Variants in KHDRBS2 observed in about 807,000 individuals in gnomAD.
The protein encoded by KHDRBS2 is KH domain-containing, RNA-binding, signal transduction-associated protein 2.
A neutral mutation model predicts 44.3 loss-of-function variants in KHDRBS2; 26 were observed. The observed-to-expected ratio is 0.59, with a 90% CI of 0.43 to 0.81. KHDRBS2 has a LOEUF of 0.81. Ranked by LOEUF, KHDRBS2 falls within the 40% of genes least tolerant of loss-of-function variation. The pLI, the probability that KHDRBS2 is intolerant of heterozygous loss-of-function variation, is 0.00. For missense variants in KHDRBS2, 476 were observed against 433.1 expected, an observed-to-expected ratio of 1.10 and a Z score of -0.88; for synonymous variants, 194 against 151.1, an observed-to-expected ratio of 1.28 and a Z score of -2.08.
intron 4 of KHDRBS2, among the ~76,000 whole-genome samples, chr6:61,940,768 T>C (rs1298314199): frequency 6.6e-5 from 10 of 152,096 alleles, no homozygotes; most frequent in Admixed American, 6.5e-5. Context: ...GTGCAAGTGA[T>C]CATGGGCTAA....
chr6:62,114,648 G>A (rs1054164604), intron 2 of KHDRBS2, among the ~76,000 whole-genome samples: 3 of 152,024 alleles, frequency 2.0e-5, no homozygotes, highest in Non-Finnish European at 2.9e-5. Flanking sequence ...TTCAATATGC[G>A]TTATCTTTCA....
intron 2 of KHDRBS2, among the ~76,000 whole-genome samples, chr6:62,068,550 T>C (rs1794278946): frequency 6.6e-6 from 1 of 151,554 alleles, no homozygotes; most frequent in African/African-American, 2.4e-5. Flanking sequence ...TTGCTTGTGA[T>C]TTTGATGTCA....
intron 2 of KHDRBS2, among the ~76,000 whole-genome samples, chr6:62,174,901 A>G (rs1490887065): frequency 1.3e-5 from 2 of 151,774 alleles, no homozygotes; most frequent in Non-Finnish European, 3.0e-5. Context: ...ATTACACCAC[A>G]TCACATATTT....
chr6:61,676,958 T>C (rs142057890), downstream of KHDRBS2, among the ~76,000 whole-genome samples: 4 of 152,010 alleles, frequency 2.6e-5, no homozygotes, highest in African/African-American at 4.8e-5. Context: ...AACTTTATGT[T>C]CAAAGTAAAT....
At chr6:62,017,756 C>T (rs903564746) in intron 3 of KHDRBS2, among the ~76,000 whole-genome samples, 20 of 152,080 alleles carry the variant, frequency 1.3e-4, no homozygotes, top group African/African-American at 4.8e-4. Flanking sequence ...TTTTGGATAA[C>T]AATTTAGATT....
At chr6:61,589,273 T>C in the KHDRBS2 span, among the ~76,000 whole-genome samples, 1 of 152,146 alleles carries the variant, frequency 6.6e-6, no homozygotes, top group Non-Finnish European at 1.5e-5. Flanking sequence ...CAAGATTTTA[T>C]AGATATCAAG....
chr6:61,957,481 A>C (rs1321209268), intron 4 of KHDRBS2, among the ~76,000 whole-genome samples: 2 of 150,354 alleles, frequency 1.3e-5, no homozygotes, highest in Admixed American at 1.3e-4. Context: ...TGCGTCCCTG[A>C]GGGGAGGTCT....
intron 1 of KHDRBS2, among the ~76,000 whole-genome samples, chr6:62,196,103 A>C (rs539230030): frequency 1.0e-3 from 155 of 152,234 alleles, no homozygotes; most frequent in Non-Finnish European, 1.6e-3. Context: ...AAAAGAGTCA[A>C]ATTTTCTAAC....
intron 7 of KHDRBS2, 83 bp downstream of exon 7, chr6:61,732,599 G>T: frequency 1.3e-6 from 1 of 798,648 alleles, no homozygotes; most frequent in Non-Finnish European, 2.2e-6. Context: ...ATTCTCACAT[G>T]ATATAATTGA....
intron 7 of KHDRBS2, among the ~76,000 whole-genome samples, chr6:61,710,626 T>G (rs935954388): frequency 1.3e-5 from 2 of 151,106 alleles, no homozygotes; most frequent in Admixed American, 6.6e-5. Context: ...GAACTCCTTC[T>G]ACTTGTTCAT....
chr6:62,227,786 TG>T (rs1414698881), intron 1 of KHDRBS2, among the ~76,000 whole-genome samples: 1 of 152,212 alleles, frequency 6.6e-6, no homozygotes, highest in Non-Finnish European at 1.5e-5. Flanking sequence ...GATGATCATG[TG>T]GTTTTTGTCA....
intron 3 of KHDRBS2, among the ~76,000 whole-genome samples, chr6:62,010,469 T>C (rs112726059): frequency 1.5e-4 from 23 of 152,186 alleles, no homozygotes; most frequent in African/African-American, 5.3e-4. Context: ...GAAGGCATGA[T>C]TGGTTTTGAA....
intron 6 of KHDRBS2, among the ~76,000 whole-genome samples, chr6:61,820,347 T>C (rs1405093001): frequency 6.6e-6 from 1 of 151,942 alleles, no homozygotes; most frequent in African/African-American, 2.4e-5. Context: ...CACTTCTTGA[T>C]GGATTTGATT....
At chr6:62,173,031 G>A (rs1820376290) in intron 2 of KHDRBS2, among the ~76,000 whole-genome samples, 1 of 151,934 alleles carries the variant, frequency 6.6e-6, no homozygotes, top group Non-Finnish European at 1.5e-5. Flanking sequence ...AGAGGAAGTA[G>A]AGAAACAAGA....
chr6:61,951,312 C>A (rs779548253), intron 4 of KHDRBS2, among the ~76,000 whole-genome samples: 14 of 151,960 alleles, frequency 9.2e-5, no homozygotes, highest in Non-Finnish European at 1.8e-4. Flanking sequence ...AGAAGAAATT[C>A]TTCATGTGAC....
chr6:62,027,917 G>C (rs1315648734), intron 3 of KHDRBS2, among the ~76,000 whole-genome samples: 2 of 151,974 alleles, frequency 1.3e-5, no homozygotes, highest in East Asian at 3.9e-4. Flanking sequence ...CCTGAGTTCT[G>C]TGAGCCAGTC....
intron 6 of KHDRBS2, among the ~76,000 whole-genome samples, chr6:61,748,253 T>A (rs1423235285): frequency 6.6e-6 from 1 of 152,118 alleles, no homozygotes; most frequent in Non-Finnish European, 1.5e-5. Flanking sequence ...CCTCACGGAG[T>A]GCTAGGATTA....
chr6:61,805,226 A>C (rs1418340426), intron 6 of KHDRBS2, among the ~76,000 whole-genome samples: 1 of 152,190 alleles, frequency 6.6e-6, no homozygotes, highest in African/African-American at 2.4e-5. Flanking sequence ...TCATTAGGGC[A>C]GGGACAAAAT....
intron 1 of KHDRBS2, among the ~76,000 whole-genome samples, chr6:62,274,520 G>C (rs1561898118): frequency 6.6e-6 from 1 of 152,094 alleles, no homozygotes; most frequent in Non-Finnish European, 1.5e-5. Context: ...TGTCTCCAAT[G>C]ATGCTTAACT....
Sources: allele counts gnomAD v4.1 joint callset (sites outside exome capture counted in the v4.1 genomes callset), GRCh38; gene constraint gnomAD v4.1.1; transcripts MANE v1.5; gene names NCBI Gene and HGNC (gene_info 2026-07-23, HGNC 2026-07-21).